Variants in TTN observed in about 807,000 individuals in gnomAD.
TTN encodes the protein titin.
TTN carries 1,525 observed loss-of-function variants against 3,223.0 expected under a neutral mutation model. The ratio of observed to expected loss-of-function variants is 0.47; its 90% confidence interval spans 0.45 to 0.49. The LOEUF (loss-of-function observed/expected upper bound fraction) is 0.49. Ranked by LOEUF, TTN falls within the 20% of genes least tolerant of loss-of-function variation. TTN has a pLI of 0.00. For synonymous variants in TTN, 14,094 were observed against 15,161.0 expected (o/e 0.93, Z 5.17); for missense variants, 40,786 against 43,424.0 (o/e 0.94, Z 5.40).
In TTN at chr2:178,611,371, C is replaced by A; in HGVS notation, c.50857+1G>T. 6.2e-7 allele frequency: 1 copy of A among 1,612,640 alleles called. No homozygotes were observed. The highest frequency in any genetic ancestry group is 8.5e-7 in the Non-Finnish European group (1 of 1,179,244). On this transcript the variant is annotated splice_donor_variant, in intron 269 of 362. Transcript: ENST00000589042. LOFTEE classifies it high-confidence loss of function. ...AACTATAAAAGACCTTGTGCTCTTA[C>A]AGTCTGGGTCTTTGGCAACCACATT... is the stretch of plus-strand genomic sequence containing the variant.
At position 178,602,428 on chromosome 2, in the gene TTN, G is replaced by C. The variant is rs879091548; in HGVS notation, c.54974C>G (p.Pro18325Arg). The change falls in exon 283 of 363, where the codon CCA becomes CGA. Residue 18325 changes from proline to arginine, a missense_variant. Transcript: ENST00000589042. ...TTCACAGGTAGTTATAAGTTTGTCTGGTTCATTTACTCTTTTCCAGTCAGT... is the reference window on the plus strand; with the variant it reads ...TTCACAGGTAGTTATAAGTTTGTCTCGTTCATTTACTCTTTTCCAGTCAGT... The part of the protein sequence containing the change: ...GTTDWKRVNE[P>R]DKLITTCECV... 4 of 1,612,448 alleles carry C rather than the reference G, an allele frequency of 2.5e-6. No homozygotes were observed. The highest frequency in any genetic ancestry group is 1.3e-5 in the African/African-American group (1 of 74,776).
At position 178,614,856 on chromosome 2, in the gene TTN, C is replaced by T. The variant is rs199954570; in HGVS notation, c.48751G>A (p.Asp16251Asn). The T allele has an allele frequency of 3.1e-5, 48 of 1,571,762 alleles. No individual in the cohort carries two copies. The highest frequency in any genetic ancestry group is 1.7e-4 in the Middle Eastern group (1 of 5,986). The change falls in exon 260 of 363, where the codon GAC becomes AAC. Residue 16251 changes from aspartate to asparagine, a missense_variant. Coordinates refer to ENST00000589042, the MANE Select transcript of TTN (RefSeq NM_001267550.2). ...AATCAAAAATAGATACCTTGTGTGT[C>T]CACAGCCTGGATTTCCTCTGTGGGT... ...SRPTEEIQAV[D>N]TQEAPEIFLD...
At chr2:178,804,455 G>A (rs1045474408) in intron 2 of TTN, 97 bp downstream of exon 2, 2 of 1,221,710 alleles carry the variant, frequency 1.6e-6, no homozygotes, top group East Asian at 2.4e-5. Context: ...CGAAGTGAAA[G>A]CAGGGCTTAA....
At position 178,539,068 on chromosome 2, in the gene TTN, A is replaced by C; in HGVS notation, c.98867T>G (p.Met32956Arg). The C allele has an allele frequency of 1.2e-6, 2 of 1,613,768 alleles. No individual in the cohort carries two copies. The highest frequency in any genetic ancestry group is 1.7e-6 in the Non-Finnish European group (2 of 1,179,728). Residue 32956 changes from methionine (M) to arginine (R), a missense_variant, in exon 353 of 363, where the codon ATG becomes AGG. Met to Arg is a moderately conservative substitution (Grantham distance 91). Coordinates refer to ENST00000589042, the MANE Select transcript of TTN (RefSeq NM_001267550.2). ...RHNKTQITTT[M>R]YTVTGLVPDA... Reference sequence around the variant, plus strand: ...GGGAACAAGCCCTGTGACAGTGTACATTGTGGTGGTGATCTGAGTCTTGTT... The same window carrying C: ...GGGAACAAGCCCTGTGACAGTGTACCTTGTGGTGGTGATCTGAGTCTTGTT...
intron 47 of TTN, chr2:178,748,450 A>C: frequency 6.2e-7 from 1 of 1,613,050 alleles, no homozygotes; most frequent in Non-Finnish European, 8.5e-7. Context: ...TTTCAGGGCT[A>C]GGAATTTTTT....
intron 242 of TTN, among the ~76,000 whole-genome samples, chr2:178,623,306 A>G (rs1451356457): frequency 4.0e-5 from 6 of 151,310 alleles, no homozygotes; most frequent in Non-Finnish European, 7.4e-5. Context: ...GACGTCACAT[A>G]TAAGTCAGGC....
At position 178,614,876 on chromosome 2, in the gene TTN, G is replaced by A; in HGVS notation, c.48731C>T (p.Thr16244Ile). Residue 16244 changes from threonine to isoleucine, a missense_variant, in exon 260 of 363, where the codon ACA becomes ATA. Thr to Ile is a moderately conservative substitution (Grantham distance 89, BLOSUM62 -1). Coordinates refer to ENST00000589042, the MANE Select transcript of TTN (RefSeq NM_001267550.2). ...TGTGTCCACAGCCTGGATTTCCTCT[G>A]TGGGTCTGCTTGGTTTGCTAGCACC... ...RQGASKPSRPTEEIQAVDTQE... is the reference protein window; with the variant it reads ...RQGASKPSRPIEEIQAVDTQE... 1 of 1,575,192 alleles carries A rather than the reference G, an allele frequency of 6.3e-7. No homozygotes were observed. Among genetic ancestry groups the A allele is most frequent in the South Asian group, 1.2e-5 (1 of 86,518 alleles).
rs761783891 is a variant in TTN, at chr2:178,620,266, C to A, written c.46255G>T (p.Ala15419Ser). The A allele has an allele frequency of 6.5e-7, 1 of 1,542,608 alleles. No individual in the cohort carries two copies. The highest frequency in any genetic ancestry group is 2.3e-5 in the East Asian group (1 of 44,116). Residue 15419 changes from alanine (A) to serine (S), a missense_variant, in exon 248 of 363, where the codon GCC becomes TCC. Coordinates refer to ENST00000589042, the MANE Select transcript of TTN (RefSeq NM_001267550.2). ...VFSCQLSREKANVKWYRNGRE... is the reference protein window; with the variant it reads ...VFSCQLSREKSNVKWYRNGRE... ...CCATTTCTGTACCATTTTACATTGG[C>A]TTTCTCTCTGGAGAGCTGGCAGGAG...
In TTN at chr2:178,747,714, T is replaced by A. The variant is rs2084070769; in HGVS notation, c.11311+5410A>T. 1.2e-6 allele frequency: 2 copies of A among 1,612,160 alleles called. No individual in the cohort carries two copies. ...GAGGTCTCAGATTCTGCTGCCTCAG[T>A]GGTATGTGCCTCATCTAATTTAGGA... On this transcript the variant is annotated intron_variant, in intron 47 of 362. Coordinates refer to ENST00000589042, the MANE Select transcript of TTN (RefSeq NM_001267550.2).
rs1553919623 is a variant in TTN at position 178,728,579 on chromosome 2, C to T, written c.19347G>A (p.Lys6449=). 1 of 1,613,228 alleles carries T rather than the reference C, an allele frequency of 6.2e-7. No homozygotes were observed. ...TGAAAGTGTACTGACCGCTGTCCTG[C>T]TTCATTACTGACTGAATTCTAAAAC... is the stretch of plus-strand genomic sequence containing the variant. ...VASFRIQSVM[K]QDSGQYTFKV... Residue 6449 remains lysine (K), a synonymous_variant, in exon 66 of 363, where the codon AAG becomes AAA. Transcript: ENST00000589042.
chr2:178,733,068 C>G lies in TTN; in HGVS notation c.16108G>C (p.Val5370Leu). 6.2e-7 allele frequency: 1 copy of G among 1,610,266 alleles called. No individual in the cohort carries two copies. The highest frequency in any genetic ancestry group is 2.2e-5 in the East Asian group (1 of 44,710). Residue 5370 changes from valine (V) to leucine (L), a missense_variant, in exon 55 of 363, where the codon GTT becomes CTT. Physicochemically the swap from Val to Leu is conservative, Grantham distance 32. Transcript: ENST00000589042. The part of the protein sequence containing the change: ...TKPLRNVDSV[V>L]NGTCRLDCKI... ...CAGTCCAGTCTGCAGGTACCATTAA[C>G]AACACTATCCACGTTGCGCAAGGGT...
rs749931280 is a variant in TTN at position 178,649,816 on chromosome 2, C to T, written c.39895+1G>A. ...TGAAGTATTCATTTTAACATGAGTA[C>T]CTTTAGGAGGCGGTGCTTCTGGTTT... On this transcript the variant is annotated splice_donor_variant, in intron 211 of 362. Transcript: ENST00000589042. LOFTEE classifies it high-confidence loss of function. The T allele has an allele frequency of 1.2e-6, 2 of 1,611,816 alleles. No homozygotes were observed. Among genetic ancestry groups the T allele is most frequent in the Non-Finnish European group, 1.7e-6 (2 of 1,179,230 alleles).
intron 48 of TTN, 120 bp downstream of exon 48, chr2:178,739,021 T>C: frequency 7.8e-7 from 1 of 1,278,912 alleles, no homozygotes; most frequent in Non-Finnish European, 1.0e-6. Context: ...GATTTCATTC[T>C]TACTCTAAAT....
Position 178,553,089 on chromosome 2 carries a change from G to C in TTN, c.89811C>G (p.Cys29937Trp). The C allele has an allele frequency of 6.2e-7, 1 of 1,611,204 alleles. No homozygotes were observed. Among genetic ancestry groups the C allele is most frequent in the Non-Finnish European group, 8.5e-7 (1 of 1,177,964 alleles). ...SVKVLDTPAA[C>W]QKLQVKHVSR... The stretch of plus-strand genomic sequence containing the variant: ...AAACATGTTTAACCTGTAGTTTCTG[G>C]CAGGCAGCTGGTGTGTCAAGCACTT... The change falls in exon 335 of 363, where the codon TGC (cysteine) becomes TGG (tryptophan). Residue 29937 changes from cysteine to tryptophan, a missense_variant. Transcript: ENST00000589042.
chr2:178,783,932 G>T, intron 16 of TTN, 138 bp downstream of exon 16: 1 of 1,380,722 alleles, frequency 7.2e-7, no homozygotes, highest in Non-Finnish European at 1.0e-6. Flanking sequence ...CCCATACTAT[G>T]CTCCATAAAA....
In TTN at chr2:178,532,893, T is replaced by G; in HGVS notation, c.103722A>C (p.Ile34574=). ...PMSDMKWYKK[I]RDQYEMPGKL... ...TCCCAGGCATTTCATACTGATCACG[T>G]ATCTTTTTATACCACTTCATGTCAG... Residue 34574 remains isoleucine (I), a synonymous_variant, in exon 358 of 363, where the codon ATA becomes ATC. Coordinates refer to ENST00000589042, the MANE Select transcript of TTN (RefSeq NM_001267550.2). The G allele has an allele frequency of 6.2e-7, 1 of 1,613,994 alleles. No homozygotes were observed. The highest frequency in any genetic ancestry group is 1.3e-5 in the African/African-American group (1 of 75,062).
chr2:178,652,241 C>T (rs1362423866), intron 203 of TTN, 23 bp downstream of exon 203: 1 of 1,613,248 alleles, frequency 6.2e-7, no homozygotes, highest in Non-Finnish European at 8.5e-7. Context: ...CAATATCAAA[C>T]ACAGCACCAT....
intron 47 of TTN, chr2:178,751,685 TCTTGGACC>T: frequency 9.3e-6 from 15 of 1,613,320 alleles, no homozygotes; most frequent in Non-Finnish European, 1.3e-5. Flanking sequence ...AGAATCTCTG[TCTTGGACC>T]CTTTTAATCT....
rs1698268798 is a variant in TTN, at chr2:178,548,912, C to A, written c.92714G>T (p.Gly30905Val). 2 of 1,613,758 alleles carry A rather than the reference C, an allele frequency of 1.2e-6. No individual in the cohort carries two copies. Among genetic ancestry groups the A allele is most frequent in the Non-Finnish European group, 1.7e-6 (2 of 1,179,834 alleles). The change falls in exon 339 of 363, where the codon GGC becomes GTC. Residue 30905 changes from glycine (G) to valine (V), a missense_variant. By Grantham distance (109) the Gly-to-Val change is moderately radical. Coordinates refer to ENST00000589042, the MANE Select transcript of TTN (RefSeq NM_001267550.2). The surrounding 1 kb of genome is among the most constrained non-coding windows in gnomAD (Gnocchi z 4.3). ...TGTGCCAGTCACTTCACAGCTGTCG[C>A]CTTTTCCAGCACCATTGATAGCACT... ...RVSAINGAGK[G>V]DSCEVTGTIK...
Sources: gnomAD v4.1 joint callset for allele counts (sites outside exome capture counted in the v4.1 genomes callset) on GRCh38, gnomAD v4.1.1 for gene constraint, Gnocchi (gnomAD v3.1) non-coding constraint, MANE v1.5 for transcripts, NCBI Gene and HGNC (gene_info 2026-07-23, HGNC 2026-07-21) for gene names.